Variants in GOLGA8A observed in about 807,000 individuals in gnomAD.
GOLGA8A encodes golgin A8 family member A, also known as golgin subfamily A member 8A.
In GOLGA8A, 3 loss-of-function variants were observed where a neutral mutation model predicts 22.1. The observed-to-expected ratio is 0.14, with a 90% CI of 0.06 to 0.35. The LOEUF is 0.35. Among genes scored for constraint, GOLGA8A ranks in the 10% least tolerant of loss-of-function variants. The pLI is 1.00. For synonymous variants in GOLGA8A, 7 were observed against 91.7 expected (o/e 0.08, Z 5.28); for missense variants, 16 against 233.2 (o/e 0.07, Z 6.07).
chr15:34,427,989 G>A lies in GOLGA8A; in HGVS notation c.-1123+7394C>T, dbSNP rs548358859. 3.5e-4 allele frequency among the ~76,000 whole-genome samples: 52 copies of A among 149,008 alleles called. 5 individuals carry two copies. Among genetic ancestry groups the A allele is most frequent in the Admixed American group, 2.4e-3 (35 of 14,742 alleles). ...TGACATGAACTACAGCATAATATTA[G>A]ATGTCTGATTAAAATCATCAAGATG... On this transcript the variant is annotated intron_variant, in intron 2 of 24. Coordinates refer to ENST00000359187, the MANE Select transcript of GOLGA8A (RefSeq NM_181077.5).
chr15:34,392,552 ACT>A (rs1462954122), intron 8 of GOLGA8A, among the ~76,000 whole-genome samples: 5 of 68,580 alleles, frequency 7.3e-5, no homozygotes, highest in Admixed American at 5.4e-4. Context: ...AGTAGTGAAA[ACT>A]CTGTCACTCT....
At chr15:34,409,879 AACG>A (rs1171437066) in intron 2 of GOLGA8A, 8 of 566,668 alleles carry the variant, frequency 1.4e-5, no homozygotes, top group South Asian at 3.5e-5. Flanking sequence ...CGACTACGTG[AACG>A]ACACCTCTGA....
intron 2 of GOLGA8A, among the ~76,000 whole-genome samples, chr15:34,427,224 G>A (rs554932765): frequency 1.4e-5 from 2 of 145,640 alleles, no homozygotes; most frequent in South Asian, 2.2e-4. Flanking sequence ...CCAGCTACTC[G>A]GGAAGCTGAG....
Position 34,379,916 on chromosome 15 carries a change from C to T in GOLGA8A, c.*1495G>A, listed in dbSNP as rs776603141. ...TGACTGAAAATGAGAGGTACAAAAA[C>T]GTATTTCACTCTTCGTAAAGAAGTT... On this transcript the variant is annotated 3_prime_UTR_variant, in exon 25 of 25. Transcript: ENST00000359187. 2.0e-5 allele frequency: 3 copies of T among 152,634 alleles called. No homozygotes were observed. Among genetic ancestry groups the T allele is most frequent in the Non-Finnish European group, 2.9e-5 (2 of 68,040 alleles). The allele number at this position is 152,634 out of a possible 1,614,324, so 9.5% of individuals were successfully genotyped here.
chr15:34,431,294 TATATATATATATATATACATATATATA>T lies in GOLGA8A; in HGVS notation c.-1123+4062_-1123+4088del, dbSNP rs1893222653. Among the ~76,000 whole-genome samples, 3 of 9,526 alleles carry T rather than the reference TATATATATATATATATACATATATATA, an allele frequency of 3.1e-4. No individual in the cohort carries two copies. The Admixed American group carries it at 5.0e-3, about 16-fold the overall frequency. The allele number at this position is 9,526 out of a possible 152,430, so 6.2% of individuals were successfully genotyped here. On this transcript the variant is annotated intron_variant, in intron 2 of 24. Transcript: ENST00000359187. Reference sequence around the variant, plus strand: ...AAACCAACCAAATGAAAAAAAATTATATATATATATATATATACATATATATATATATATATATATATATATATATAT... The same window carrying T: ...AAACCAACCAAATGAAAAAAAATTATTATATATATATATATATATATATAT...
intron 7 of GOLGA8A, among the ~76,000 whole-genome samples, 196 bp downstream of exon 7, chr15:34,398,959 A>C (rs2140229087): frequency 7.3e-6 from 1 of 137,358 alleles, no homozygotes; most frequent in East Asian, 2.1e-4. Flanking sequence ...GGTCACTCTT[A>C]ATGCCTATCC....
chr15:34,433,052 G>A (rs929775668), intron 2 of GOLGA8A, among the ~76,000 whole-genome samples: 2 of 149,168 alleles, frequency 1.3e-5, no homozygotes, highest in Non-Finnish European at 3.0e-5. Context: ...GGGCCCCAGG[G>A]ATTAGTGGCA....
At chr15:34,424,731 C>T (rs1311366681) in intron 2 of GOLGA8A, among the ~76,000 whole-genome samples, 2 of 131,388 alleles carry the variant, frequency 1.5e-5, no homozygotes, top group Non-Finnish European at 3.2e-5. Flanking sequence ...CACCCCCAAC[C>T]CCCACCATAA....
In GOLGA8A at chr15:34,380,410, A is replaced by G. The variant is rs1345315582; in HGVS notation, c.*1001T>C. On this transcript the variant is annotated 3_prime_UTR_variant, in exon 25 of 25. Transcript: ENST00000359187. ...AAAGGATTTCTTATGATCTTCACTA[A>G]ATACATTAAGAAGAATGCCAACCAG... The G allele has an allele frequency of 4.6e-5, 7 of 152,222 alleles. No individual in the cohort carries two copies. 9.4% of individuals were successfully genotyped at this position (152,222 alleles called of 1,614,324 possible).
intron 2 of GOLGA8A, among the ~76,000 whole-genome samples, chr15:34,435,108 C>A (rs771072601): frequency 1.3e-5 from 2 of 149,382 alleles, no homozygotes; most frequent in Non-Finnish European, 3.0e-5. Flanking sequence ...TATTAAGTCA[C>A]CGGGGCAGGT....
At chr15:34,431,489 T>C (rs568582776) in intron 2 of GOLGA8A, among the ~76,000 whole-genome samples, 2 of 147,876 alleles carry the variant, frequency 1.4e-5, no homozygotes, top group Non-Finnish European at 3.0e-5. Context: ...GAGAACATCA[T>C]AGAACATACG....
rs1891427701 is a variant in GOLGA8A at position 34,380,463 on chromosome 15, T to C, written c.*948A>G. 1 of 152,244 alleles carries C rather than the reference T, an allele frequency of 6.6e-6. No individual in the cohort carries two copies. 9.4% of individuals were successfully genotyped at this position (152,244 alleles called of 1,614,324 possible). A position where few individuals can be genotyped will look rare whatever the true frequency, so the allele number is the denominator to read the frequency against. ...CCCTTTCGTGTACTGGGACAGGTAG[T>C]CATGTGATTAAAACAGGGAACACGA... On this transcript the variant is annotated 3_prime_UTR_variant, in exon 25 of 25. Coordinates refer to ENST00000359187, the MANE Select transcript of GOLGA8A (RefSeq NM_181077.5).
intron 2 of GOLGA8A, among the ~76,000 whole-genome samples, chr15:34,426,800 T>C (rs1458987269): frequency 2.1e-5 from 3 of 143,558 alleles, no homozygotes; most frequent in African/African-American, 7.6e-5. Context: ...TCCCAGCTAC[T>C]CAGGAGACCG....
rs369694430 is a variant in GOLGA8A at position 34,433,237 on chromosome 15, G to A, written c.-1123+2146C>T. ...AAAGCAGAGTGGCTGAGAGCCCTGG[G>A]ACAGAGTCTGACATTAGGTACAGGA... On this transcript the variant is annotated intron_variant, in intron 2 of 24. Transcript: ENST00000359187. 1.4e-3 allele frequency among the ~76,000 whole-genome samples: 212 copies of A among 149,228 alleles called. 14 individuals are homozygous for A. The highest frequency in any genetic ancestry group is 9.5e-3 in the South Asian group (44 of 4,636).
intron 8 of GOLGA8A, among the ~76,000 whole-genome samples, chr15:34,397,367 G>C (rs1891895335): frequency 6.8e-6 from 1 of 147,368 alleles, no homozygotes; most frequent in South Asian, 2.2e-4. Flanking sequence ...TACTGCTCCT[G>C]CTCGCTCAAT....
chr15:34,380,741 A>C lies in GOLGA8A; in HGVS notation c.*670T>G, dbSNP rs1891444061. 3 of 178,108 alleles carry C rather than the reference A, an allele frequency of 1.7e-5. No homozygotes were observed. The highest frequency in any genetic ancestry group is 7.2e-5 in the African/African-American group (3 of 41,604). 11.0% of individuals were successfully genotyped at this position (178,108 alleles called of 1,614,324 possible). A position where few individuals can be genotyped will look rare whatever the true frequency, so the allele number is the denominator to read the frequency against. ...ACAGATGAAACACACTGTATCCTGC[A>C]CATACCTGCCAGAGCAGGCCACTTT... On this transcript the variant is annotated 3_prime_UTR_variant, in exon 25 of 25. Transcript: ENST00000359187.
rs1196108103 is a variant in GOLGA8A, at chr15:34,430,978, G to T, written c.-1123+4405C>A. On this transcript the variant is annotated intron_variant, in intron 2 of 24. Transcript: ENST00000359187. Reference sequence around the variant, plus strand: ...ATTCAGACAGATGCTAGAGCACATGGCTCACTTATTACACCAAAAGACTGA... The same window carrying T: ...ATTCAGACAGATGCTAGAGCACATGTCTCACTTATTACACCAAAAGACTGA... Among the ~76,000 whole-genome samples the T allele has an allele frequency of 3.4e-5, 5 of 146,452 alleles. 1 individual carries two copies. Among genetic ancestry groups the T allele is most frequent in the African/African-American group, 1.3e-4 (5 of 39,904 alleles).
At position 34,379,808 on chromosome 15, in the gene GOLGA8A, A is replaced by G. The variant is rs529857534; in HGVS notation, c.*1603T>C. 19 of 152,808 alleles carry G rather than the reference A, an allele frequency of 1.2e-4. No homozygotes were observed. Among genetic ancestry groups the G allele is most frequent in the African/African-American group, 3.8e-4 (16 of 41,590 alleles). 9.5% of individuals were successfully genotyped at this position (152,808 alleles called of 1,614,324 possible). On this transcript the variant is annotated 3_prime_UTR_variant, in exon 25 of 25. Transcript: ENST00000359187. Reference sequence around the variant, plus strand: ...ATTCTTTCCCAAGCATCATCAAGTTATGATTTAGGCAATGTATGATTGAAA... The same window carrying G: ...ATTCTTTCCCAAGCATCATCAAGTTGTGATTTAGGCAATGTATGATTGAAA...
Position 34,437,719 on chromosome 15 carries a change from G to GCTGCCGGGT in GOLGA8A, c.-1542_-1534dup, listed in dbSNP as rs1422330434. On this transcript the variant is annotated 5_prime_UTR_variant, in exon 1 of 25. Transcript: ENST00000359187. ...GCCGCGCCGCCGTCCTCGCCGCGCC[G>GCTGCCGGGT]CTGCCGGGTCTCTCCCGGGGGCTGA... 2.1e-5 allele frequency among the ~76,000 whole-genome samples: 3 copies of GCTGCCGGGT among 144,172 alleles called. No homozygotes were observed. Among genetic ancestry groups the GCTGCCGGGT allele is most frequent in the African/African-American group, 7.7e-5 (3 of 39,186 alleles). 94.6% of individuals were successfully genotyped at this position (144,172 alleles called of 152,430 possible). A position where few individuals can be genotyped will look rare whatever the true frequency, so the allele number is the denominator to read the frequency against.
Sources: gnomAD v4.1 joint callset for allele counts (sites outside exome capture counted in the v4.1 genomes callset) on GRCh38, gnomAD v4.1.1 for gene constraint, MANE v1.5 for transcripts, NCBI Gene and HGNC (gene_info 2026-07-23, HGNC 2026-07-21) for gene names.